The following GPATCH8 variants were observed in gnomAD, a reference collection of about 807,000 sequenced individuals.
GPATCH8 encodes G-patch domain containing 8.
Under a neutral mutation model 118.3 loss-of-function variants are expected in GPATCH8, and 18 were observed. The ratio of observed to expected loss-of-function variants is 0.15; its 90% CI spans 0.11 to 0.23. The LOEUF is 0.23. GPATCH8 is among the 10% of genes least tolerant of loss of function. The pLI is 1.00. For synonymous variants in GPATCH8, 659 were observed against 684.7 expected (o/e 0.96, Z 0.59); for missense variants, 1,631 against 1,873.8 (o/e 0.87, Z 2.39).
At chr17:44,452,638 T>C (rs2051159536) in intron 3 of GPATCH8, among the ~76,000 whole-genome samples, 1 of 152,168 alleles carries the variant, frequency 6.6e-6, no homozygotes, top group Admixed American at 6.6e-5. Context: ...TCCATCTCCA[T>C]CCTCAGACAT....
chr17:44,406,395 G>A (rs2049222873), intron 6 of GPATCH8, among the ~76,000 whole-genome samples: 1 of 141,786 alleles, frequency 7.1e-6, no homozygotes, highest in African/African-American at 2.6e-5. Context: ...CATAACATGA[G>A]ATAAATTGTA....
At chr17:44,421,934 C>T (rs2049920450) in intron 6 of GPATCH8, among the ~76,000 whole-genome samples, 1 of 151,764 alleles carries the variant, frequency 6.6e-6, no homozygotes, top group African/African-American at 2.4e-5. Flanking sequence ...GCTATGTTGG[C>T]CAGGCTGGTC....
chr17:44,488,617 T>C (rs886775156), intron 1 of GPATCH8, among the ~76,000 whole-genome samples: 4 of 150,540 alleles, frequency 2.7e-5, no homozygotes, highest in African/African-American at 9.8e-5. Context: ...GTGATCTGCC[T>C]GCCTCGGCCT....
intron 3 of GPATCH8, chr17:44,438,646 A>G (rs1404114193): frequency 1.3e-5 from 2 of 152,520 alleles, no homozygotes; most frequent in Non-Finnish European, 2.9e-5. Context: ...AAAAGGAGTA[A>G]TTCAGTCTGA....
In GPATCH8 at chr17:44,400,869, T is replaced by C. The variant is rs576368738; in HGVS notation, c.1208A>G (p.Lys403Arg). The C allele has an allele frequency of 1.1e-5, 17 of 1,614,048 alleles. No individual in the cohort carries two copies. In the South Asian group the frequency reaches 1.2e-4, roughly 11 times the overall value. The change falls in exon 8 of 8, where the codon AAA becomes AGA. Residue 403 changes from lysine (K) to arginine (R), a missense_variant. Around this residue, in one of 8 missense-constraint regions of GPATCH8, gnomAD observed 405 missense variants for 462.7 expected, o/e 0.88. Coordinates refer to ENST00000591680, the MANE Select transcript of GPATCH8 (RefSeq NM_001002909.4). ...YYHYIPPAHC[K>R]VKPNFPFLLF... ...TAGAAAGGGAAAATTAGGTTTTACT[T>C]TGCAGTGTGCTGGGGGGATGTAGTG...
chr17:44,435,057 T>G lies in GPATCH8; in HGVS notation c.348+8A>C, dbSNP rs1481260322. 1 of 1,219,566 alleles carries G rather than the reference T, an allele frequency of 8.2e-7. No individual in the cohort carries two copies. The highest frequency in any genetic ancestry group is 1.2e-5 in the South Asian group (1 of 83,056). The allele number at this position is 1,219,566 out of a possible 1,614,324, so 75.5% of individuals were successfully genotyped here. On this transcript the variant is annotated splice_region_variant and intron_variant, in intron 5 of 7. Transcript: ENST00000591680. ...CCCATCTCCCAATGAATAGCTTTGTTTAAATACCTTGTACTTTTGTCTCAG... is the reference window on the plus strand; with the variant it reads ...CCCATCTCCCAATGAATAGCTTTGTGTAAATACCTTGTACTTTTGTCTCAG...
chr17:44,438,380 T>C (rs1440891388), intron 3 of GPATCH8, among the ~76,000 whole-genome samples: 1 of 152,128 alleles, frequency 6.6e-6, no homozygotes, highest in Non-Finnish European at 1.5e-5. Flanking sequence ...AATTTATTTA[T>C]AAATTGCAGT....
At chr17:44,467,071 T>C in intron 2 of GPATCH8, 1 of 1,179,144 alleles carries the variant, frequency 8.5e-7, no homozygotes, top group African/African-American at 1.6e-5. Flanking sequence ...GCAGTGCAAG[T>C]GGAGTGAAAG....
intron 7 of GPATCH8, among the ~76,000 whole-genome samples, chr17:44,403,350 G>A (rs2049098160): frequency 6.6e-6 from 1 of 152,096 alleles, no homozygotes; most frequent in Admixed American, 6.5e-5. Context: ...TGGGATTACA[G>A]GCTTGAGCCA....
chr17:44,473,152 T>G (rs2144368403), intron 2 of GPATCH8: 1 of 152,002 alleles, frequency 6.6e-6, no homozygotes, highest in East Asian at 1.9e-4. Flanking sequence ...TTTTTTTTTT[T>G]GAGACAGAGT....
chr17:44,397,564 C>T lies in GPATCH8; in HGVS notation c.*4G>A. 6.2e-7 allele frequency: 1 copy of T among 1,606,714 alleles called. No individual in the cohort carries two copies. Among genetic ancestry groups the T allele is most frequent in the East Asian group, 2.2e-5 (1 of 44,848 alleles). Reference sequence around the variant, plus strand: ...TGGCCCTACCTAGGATCCCATCCCCCAACTCACGTGCCATGGCTGGGGGGA... The same window carrying T: ...TGGCCCTACCTAGGATCCCATCCCCTAACTCACGTGCCATGGCTGGGGGGA... On this transcript the variant is annotated 3_prime_UTR_variant, in exon 8 of 8. Transcript: ENST00000591680.
chr17:44,502,358 T>TG (rs763113139), intron 1 of GPATCH8, among the ~76,000 whole-genome samples: 37 of 90,632 alleles, frequency 4.1e-4, no homozygotes, highest in Non-Finnish European at 6.3e-4. Context: ...AGTAATGCAG[T>TG]GTTTTTTTTT....
At chr17:44,434,656 G>A (rs1233361293) in intron 5 of GPATCH8, among the ~76,000 whole-genome samples, 1 of 152,196 alleles carries the variant, frequency 6.6e-6, no homozygotes, top group Non-Finnish European at 1.5e-5. Context: ...TGACCAACAT[G>A]GTGAAACCCC....
chr17:44,416,961 T>C (rs1242489161), intron 6 of GPATCH8, among the ~76,000 whole-genome samples: 1 of 152,206 alleles, frequency 6.6e-6, no homozygotes, highest in African/African-American at 2.4e-5. Context: ...CTACAGGTAT[T>C]TTAGCAGAAA....
rs188072397 is a variant in GPATCH8 at position 44,451,391 on chromosome 17, C to G, written c.193+13081G>C. 2.2e-3 allele frequency among the ~76,000 whole-genome samples: 333 copies of G among 152,214 alleles called. 1 individual carries two copies. Among genetic ancestry groups the G allele is most frequent in the African/African-American group, 7.6e-3 (317 of 41,528 alleles). On this transcript the variant is annotated intron_variant, in intron 3 of 7. Transcript: ENST00000591680. ...TACAGTCGTGAGCCACCACACCCAA[C>G]CCAGATCTGGCACCTTTTAAGCATG...
intron 1 of GPATCH8, among the ~76,000 whole-genome samples, chr17:44,492,999 GACCAATTAAACCACTGGTTTATA>G (rs887789141): frequency 1.4e-4 from 21 of 150,108 alleles, no homozygotes; most frequent in East Asian, 5.9e-4. Context: ...AGTCATAAAT[GACCAATTAAACCACTGGTTTATA>G]ACCAATTAAA....
At chr17:44,463,331 C>T (rs866975666) in intron 3 of GPATCH8, among the ~76,000 whole-genome samples, 57 of 152,168 alleles carry the variant, frequency 3.7e-4, no homozygotes, top group African/African-American at 1.4e-3. Context: ...CCCAAAGATG[C>T]CTATTATACA....
chr17:44,472,310 T>C (rs1411626658), intron 2 of GPATCH8, among the ~76,000 whole-genome samples: 1 of 152,208 alleles, frequency 6.6e-6, no homozygotes. Context: ...TATTCAACAA[T>C]GATTACTCAA....
At position 44,399,020 on chromosome 17, in the gene GPATCH8, A is replaced by T. The variant is rs1404292852; in HGVS notation, c.3057T>A (p.His1019Gln). ...SWGHESPEER[H>Q]SGRRDFIRSK... ...AACGAATGAAGTCCCGACGCCCAGAATGCCTCTCCTCAGGGCTCTCGTGAC... is the reference window on the plus strand; with the variant it reads ...AACGAATGAAGTCCCGACGCCCAGATTGCCTCTCCTCAGGGCTCTCGTGAC... The change falls in exon 8 of 8, where the codon CAT (histidine) becomes CAA (glutamine). Residue 1019 changes from histidine (H) to glutamine (Q), a missense_variant. Physicochemically the swap from His to Gln is conservative, Grantham distance 24. Transcript: ENST00000591680. 16 of 1,613,850 alleles carry T rather than the reference A, an allele frequency of 9.9e-6. No homozygotes were observed. The highest frequency in any genetic ancestry group is 1.4e-5 in the Non-Finnish European group (16 of 1,179,798).
Sources: allele counts gnomAD v4.1 joint callset (sites outside exome capture counted in the v4.1 genomes callset), GRCh38; gene constraint gnomAD v4.1.1; regional missense constraint gnomAD v4.1.1; transcripts MANE v1.5; gene names NCBI Gene and HGNC (gene_info 2026-07-23, HGNC 2026-07-21).